TCF7L2: variants seen among roughly 807,000 people sequenced by gnomAD.
TCF7L2 encodes the protein transcription factor 7-like 2.
TCF7L2 carries 23 observed loss-of-function variants against 77.9 expected under a neutral mutation model. The ratio of observed to expected loss-of-function variants is 0.30; its 90% CI spans 0.21 to 0.42. TCF7L2 has a LOEUF of 0.42. Ranked by LOEUF, TCF7L2 falls within the 10% of genes least tolerant of loss-of-function variation. TCF7L2 has a pLI of 1.00. For missense variants in TCF7L2, 654 were observed against 793.1 expected, an observed-to-expected ratio of 0.82 and a Z score of 2.11; for synonymous variants, 413 against 340.2, an observed-to-expected ratio of 1.21 and a Z score of -2.36.
At position 113,057,305 on chromosome 10, in the gene TCF7L2, G is replaced by T. The variant is rs146769528; in HGVS notation, c.552+17179G>T. Among the ~76,000 whole-genome samples the T allele has an allele frequency of 1.6e-4, 24 of 152,298 alleles. No homozygotes were observed. In the East Asian group the frequency reaches 4.1e-3, roughly 26 times the overall value. ...CTGCCTCAGTCTCCAGAAGAGCTCG[G>T]ATTACAGGTGTGCACCACCAGGCCC... On this transcript the variant is annotated intron_variant, in intron 5 of 13. Coordinates refer to ENST00000627217, the MANE Select transcript of TCF7L2 (RefSeq NM_001146274.2).
At chr10:113,124,672 G>C (rs2065297622) in intron 5 of TCF7L2, among the ~76,000 whole-genome samples, 1 of 151,898 alleles carries the variant, frequency 6.6e-6, no homozygotes, top group African/African-American at 2.4e-5. Context: ...GTTATGCCAG[G>C]TAAGCTGCAA....
rs138471044 is a variant in TCF7L2 at position 112,972,053 on chromosome 10, G to A, written c.450+7429G>A. Among the ~76,000 whole-genome samples, 313 of 152,118 alleles carry A rather than the reference G, an allele frequency of 2.1e-3. 1 individual carries two copies. Among genetic ancestry groups the A allele is most frequent in the African/African-American group, 7.2e-3 (299 of 41,514 alleles). ...CTCCTGCTTTAGCCTCCCGCTGGCC[G>A]TCATTTTTAATCAGGGTTGTGATTT... On this transcript the variant is annotated intron_variant, in intron 4 of 13. Transcript: ENST00000627217.
At chr10:112,978,454 C>G (rs905861156) in intron 4 of TCF7L2, among the ~76,000 whole-genome samples, 75 of 151,254 alleles carry the variant, frequency 5.0e-4, no homozygotes, top group African/African-American at 1.8e-3. Context: ...GGCTTTCATT[C>G]CCAGGAATTT....
chr10:113,158,622 A>AC, intron 12 of TCF7L2, 45 bp from the exon 13 acceptor site: 1 of 1,609,458 alleles, frequency 6.2e-7, no homozygotes, highest in South Asian at 1.1e-5. Flanking sequence ...AAACAAACAA[A>AC]ACAAAAATTT....
chr10:112,988,485 G>C (rs1462838672), intron 4 of TCF7L2, among the ~76,000 whole-genome samples: 1 of 152,158 alleles, frequency 6.6e-6, no homozygotes, highest in African/African-American at 2.4e-5. Context: ...GACTAAATGA[G>C]AATAGTGTGG....
intron 5 of TCF7L2, among the ~76,000 whole-genome samples, chr10:113,064,076 T>C (rs1418926402): frequency 6.6e-6 from 1 of 152,176 alleles, no homozygotes; most frequent in African/African-American, 2.4e-5. Flanking sequence ...AAGAGCTTGC[T>C]GGAGTCAGGT....
At chr10:113,006,211 A>G (rs974357325) in intron 4 of TCF7L2, among the ~76,000 whole-genome samples, 2 of 152,194 alleles carry the variant, frequency 1.3e-5, no homozygotes, top group African/African-American at 4.8e-5. Context: ...TCCCATAAGA[A>G]TTTCTCTATC....
chr10:112,951,448 G>T (rs1335473259), intron 2 of TCF7L2, 35 bp from the exon 3 acceptor site: 2 of 1,381,938 alleles, frequency 1.4e-6, no homozygotes, highest in South Asian at 1.2e-5. Context: ...GCTCCGCGCG[G>T]CCGCCGCTGT....
chr10:113,034,406 T>G (rs1450818213), intron 4 of TCF7L2, among the ~76,000 whole-genome samples: 1 of 152,064 alleles, frequency 6.6e-6, no homozygotes, highest in African/African-American at 2.4e-5. Context: ...ACTGAAAGAT[T>G]AGGAGCAGCC....
intron 5 of TCF7L2, among the ~76,000 whole-genome samples, chr10:113,115,794 C>A (rs149048525): frequency 1.3e-5 from 2 of 152,166 alleles, no homozygotes; most frequent in African/African-American, 4.8e-5. Flanking sequence ...ACCGACCATC[C>A]CGTCCACAAC....
At chr10:112,953,504 G>A (rs959099165) in intron 3 of TCF7L2, among the ~76,000 whole-genome samples, 1 of 152,038 alleles carries the variant, frequency 6.6e-6, no homozygotes, top group African/African-American at 2.4e-5. Flanking sequence ...GAATCCCTGA[G>A]AATTTCTGCC....
intron 5 of TCF7L2, among the ~76,000 whole-genome samples, chr10:113,045,501 G>A (rs1224831880): frequency 1.3e-5 from 2 of 152,118 alleles, no homozygotes; most frequent in Non-Finnish European, 2.9e-5. Flanking sequence ...GGACCCCCAG[G>A]GAACCCCAGC....
chr10:113,130,106 G>A, intron 5 of TCF7L2: 9 of 816,070 alleles, frequency 1.1e-5, no homozygotes, highest in South Asian at 6.8e-5. Context: ...ATCATGGGAA[G>A]GAAAAAACAA....
chr10:112,951,893 A>AGG lies in TCF7L2; in HGVS notation c.381+293_381+294dup, dbSNP rs55688545. On this transcript the variant is annotated intron_variant, in intron 3 of 13. Transcript: ENST00000627217. ...TCCAAGCAGGGCTTTGTTGGTGGGG[A>AGG]GGGGGGGGAATCCGAAGAACTTTCC... is the stretch of plus-strand genomic sequence containing the variant. 125 of 142,952 alleles carry AGG rather than the reference A, an allele frequency of 8.7e-4. 1 individual carries two copies. In the Middle Eastern group the frequency reaches 0.017, roughly 19 times the overall value. The allele number at this position is 142,952 out of a possible 1,614,324, so 8.9% of individuals were successfully genotyped here.
At chr10:113,087,306 C>T (rs906770510) in intron 5 of TCF7L2, among the ~76,000 whole-genome samples, 2 of 152,198 alleles carry the variant, frequency 1.3e-5, no homozygotes, top group African/African-American at 4.8e-5. Flanking sequence ...CATTTCTTTC[C>T]CAACGCATTC....
chr10:113,027,787 A>C (rs2049459933), intron 4 of TCF7L2, among the ~76,000 whole-genome samples: 3 of 147,482 alleles, frequency 2.0e-5, no homozygotes, highest in South Asian at 2.2e-4. Context: ...TCCCCCCCTC[A>C]CCCTATTCAA....
At chr10:113,038,807 C>T (rs1321594179) in intron 4 of TCF7L2, among the ~76,000 whole-genome samples, 9 of 152,262 alleles carry the variant, frequency 5.9e-5, no homozygotes, top group South Asian at 2.1e-4. Context: ...CAAAACTCCC[C>T]GAGAGCGGAC....
chr10:113,141,161 T>C (rs2136836267), intron 5 of TCF7L2, 23 bp from the exon 6 acceptor site: 1 of 1,613,144 alleles, frequency 6.2e-7, no homozygotes, highest in South Asian at 1.1e-5. Context: ...TGACGGTGTC[T>C]TTCTCTGTTC....
At chr10:112,999,520 A>G (rs1488545818) in intron 4 of TCF7L2, among the ~76,000 whole-genome samples, 1 of 152,170 alleles carries the variant, frequency 6.6e-6, no homozygotes, top group Non-Finnish European at 1.5e-5. Context: ...TGGGAGGAGG[A>G]GAGGAAGCTA....
Sources: allele counts gnomAD v4.1 joint callset (sites outside exome capture counted in the v4.1 genomes callset), GRCh38; gene constraint gnomAD v4.1.1; transcripts MANE v1.5; gene names NCBI Gene and HGNC (gene_info 2026-07-23, HGNC 2026-07-21).